The following SEMA5A variants were observed in gnomAD, a reference collection of about 807,000 sequenced individuals.
SEMA5A encodes semaphorin-5A.
A neutral mutation model predicts 135.5 loss-of-function variants in SEMA5A; 55 were observed. The observed-to-expected ratio is 0.41, with a 90% CI of 0.33 to 0.51. The LOEUF (loss-of-function observed/expected upper bound fraction) is 0.51, where lower values mean the gene tolerates loss of function less well. SEMA5A is among the 20% of genes least tolerant of loss of function. The probability of loss-of-function intolerance (pLI) is 0.37; values close to 1 mark genes in which losing one functional copy is unlikely to be tolerated. For missense variants in SEMA5A, 1,290 were observed against 1,419.9 expected, an observed-to-expected ratio of 0.91 and a Z score of 1.47; for synonymous variants, 580 against 546.5, an observed-to-expected ratio of 1.06 and a Z score of -0.85.
intron 16 of SEMA5A, among the ~76,000 whole-genome samples, chr5:9,085,665 G>A (rs1738640708): frequency 6.6e-6 from 1 of 152,206 alleles, no homozygotes; most frequent in Non-Finnish European, 1.5e-5. Flanking sequence ...CTCTCATGGA[G>A]AACCTCTGTT....
rs899938409 is a variant in SEMA5A at position 9,099,186 on chromosome 5, T to G, written c.2073+8954A>C. ...CTGTGCCATACATCATTCTTAAGCT[T>G]GATTGCGAAACTTTCAGTGCCAAAT... On this transcript the variant is annotated intron_variant, in intron 16 of 22. Transcript: ENST00000382496. Among the ~76,000 whole-genome samples, 4 of 152,346 alleles carry G rather than the reference T, an allele frequency of 2.6e-5. No individual in the cohort carries two copies. The South Asian group carries it at 8.3e-4, about 32-fold the overall frequency.
chr5:9,425,892 G>A (rs550903139), intron 2 of SEMA5A, among the ~76,000 whole-genome samples: 1 of 152,088 alleles, frequency 6.6e-6, no homozygotes, highest in South Asian at 2.1e-4. Context: ...TATCCACTGG[G>A]CTCAGCCATG....
intron 16 of SEMA5A, among the ~76,000 whole-genome samples, chr5:9,086,123 C>T (rs1308133140): frequency 1.3e-5 from 2 of 152,136 alleles, no homozygotes; most frequent in African/African-American, 4.8e-5. Context: ...AATTTTACAC[C>T]CTCATAGGCA....
At chr5:9,106,415 AT>A (rs956483463) in intron 16 of SEMA5A, among the ~76,000 whole-genome samples, 2 of 152,206 alleles carry the variant, frequency 1.3e-5, no homozygotes, top group Admixed American at 6.5e-5. Context: ...GCTTAATATA[AT>A]TTTTTTATTC....
At chr5:9,510,014 A>G (rs1245677220) in intron 1 of SEMA5A, among the ~76,000 whole-genome samples, 16 of 152,202 alleles carry the variant, frequency 1.1e-4, no homozygotes, top group Non-Finnish European at 2.2e-4. Flanking sequence ...TTACATGGGG[A>G]TAGAATGTCT....
intron 1 of SEMA5A, among the ~76,000 whole-genome samples, chr5:9,507,206 T>C (rs1735936569): frequency 6.6e-6 from 1 of 152,204 alleles, no homozygotes; most frequent in South Asian, 2.1e-4. Flanking sequence ...GTTTTCACCA[T>C]TGCCCTAAAA....
intron 1 of SEMA5A, among the ~76,000 whole-genome samples, chr5:9,521,268 G>A (rs898728074): frequency 5.9e-5 from 9 of 152,156 alleles, no homozygotes; most frequent in African/African-American, 2.2e-4. Flanking sequence ...AAATTAGCCG[G>A]GCGTGGTGGC....
chr5:9,373,355 A>G (rs1413873902), intron 3 of SEMA5A, among the ~76,000 whole-genome samples: 1 of 152,142 alleles, frequency 6.6e-6, no homozygotes, highest in Non-Finnish European at 1.5e-5. Flanking sequence ...CTAAGACTAC[A>G]TATGGGGATA....
intron 5 of SEMA5A, among the ~76,000 whole-genome samples, chr5:9,276,607 C>T (rs763968581): frequency 3.3e-5 from 5 of 152,030 alleles, no homozygotes; most frequent in Non-Finnish European, 5.9e-5. Context: ...GGTACCAAAA[C>T]ACATATATAT....
intron 3 of SEMA5A, among the ~76,000 whole-genome samples, chr5:9,351,804 TA>T (rs1754129979): frequency 6.6e-6 from 1 of 152,228 alleles, no homozygotes; most frequent in Non-Finnish European, 1.5e-5. Flanking sequence ...ATGGACTAGC[TA>T]AAAACTTTTG....
intron 5 of SEMA5A, among the ~76,000 whole-genome samples, chr5:9,242,512 C>G (rs1376721588): frequency 1.3e-5 from 2 of 152,146 alleles, no homozygotes; most frequent in Non-Finnish European, 2.9e-5. Flanking sequence ...ACCTCAAAAT[C>G]AAAAGACTAG....
intron 11 of SEMA5A, among the ~76,000 whole-genome samples, chr5:9,166,703 G>A (rs1743627727): frequency 1.3e-5 from 2 of 152,140 alleles, no homozygotes; most frequent in African/African-American, 4.8e-5. Context: ...AGCGCTTATA[G>A]GAAATTTACC....
At chr5:9,325,884 G>C (rs1031372962) in intron 4 of SEMA5A, among the ~76,000 whole-genome samples, 1 of 152,148 alleles carries the variant, frequency 6.6e-6, no homozygotes, top group African/African-American at 2.4e-5. Context: ...ACTGAGAAAA[G>C]AAGAATTAAG....
At chr5:9,147,359 G>A (rs557336254) in intron 12 of SEMA5A, among the ~76,000 whole-genome samples, 46 of 151,780 alleles carry the variant, frequency 3.0e-4, no homozygotes, top group African/African-American at 1.1e-3. Flanking sequence ...TGCAACCTCC[G>A]CCTCCTGGGT....
Position 9,102,578 on chromosome 5 carries a change from A to G in SEMA5A, c.2073+5562T>C, listed in dbSNP as rs886906533. On this transcript the variant is annotated intron_variant, in intron 16 of 22. Transcript: ENST00000382496. ...TTATGAAATGTATCCTGAAAAATAT[A>G]GTATTTATATCATTAAATTATTTAT... Among the ~76,000 whole-genome samples, 4 of 152,250 alleles carry G rather than the reference A, an allele frequency of 2.6e-5. No homozygotes were observed. In the East Asian group the frequency reaches 5.8e-4, roughly 22 times the overall value.
At chr5:9,444,858 C>T (rs551241663) in intron 1 of SEMA5A, among the ~76,000 whole-genome samples, 11 of 152,174 alleles carry the variant, frequency 7.2e-5, no homozygotes, top group Admixed American at 2.0e-4. Context: ...TTGCCCGCAC[C>T]GGCCTGAATA....
chr5:9,429,155 G>A (rs979515024), intron 2 of SEMA5A, among the ~76,000 whole-genome samples: 3 of 152,148 alleles, frequency 2.0e-5, no homozygotes, highest in African/African-American at 7.2e-5. Context: ...TGGTGAACAA[G>A]CAAATATCTA....
intron 13 of SEMA5A, among the ~76,000 whole-genome samples, chr5:9,134,011 T>A (rs1404617587): frequency 1.3e-5 from 2 of 152,144 alleles, no homozygotes; most frequent in Non-Finnish European, 2.9e-5. Context: ...AAAGTGAGTT[T>A]CTCCTGAACT....
intron 6 of SEMA5A, among the ~76,000 whole-genome samples, chr5:9,230,164 T>TC (rs1449967918): frequency 1.4e-4 from 20 of 139,866 alleles, no homozygotes; most frequent in African/African-American, 5.9e-4. Flanking sequence ...TTTTCTTTTT[T>TC]TTTTTTTTTT....
Sources: gnomAD v4.1 joint callset for allele counts (sites outside exome capture counted in the v4.1 genomes callset) on GRCh38, gnomAD v4.1.1 for gene constraint, MANE v1.5 for transcripts, NCBI Gene and HGNC (gene_info 2026-07-23, HGNC 2026-07-21) for gene names.